BEND6: variants seen among roughly 807,000 people sequenced by gnomAD.
The protein encoded by BEND6 is BEN domain containing 6.
Under a neutral mutation model 31.8 loss-of-function variants are expected in BEND6, and 24 were observed. The ratio of observed to expected loss-of-function variants is 0.75; its 90% CI spans 0.55 to 1.06. The LOEUF is 1.06. Ranked by LOEUF, BEND6 falls within the 50% of genes least tolerant of loss-of-function variation. The probability of loss-of-function intolerance (pLI) is 0.00; values close to 1 mark genes in which losing one functional copy is unlikely to be tolerated. For synonymous variants in BEND6, 109 were observed against 114.6 expected, an observed-to-expected ratio of 0.95 and a Z score of 0.31; for missense variants, 294 against 327.4, an observed-to-expected ratio of 0.90 and a Z score of 0.79.
chr6:56,971,576 T>G (rs1363328501), intron 1 of BEND6, among the ~76,000 whole-genome samples: 2 of 152,236 alleles, frequency 1.3e-5, no homozygotes, highest in Non-Finnish European at 2.9e-5. Context: ...TGCACCATCT[T>G]ACATTACCAC....
At chr6:56,964,314 C>G (rs912821596) in intron 1 of BEND6, among the ~76,000 whole-genome samples, 1 of 152,126 alleles carries the variant, frequency 6.6e-6, no homozygotes, top group African/African-American at 2.4e-5. Flanking sequence ...AAAAGAGTAT[C>G]TCACTAAGCT....
At chr6:57,000,721 G>C (rs927026245) in intron 3 of BEND6, among the ~76,000 whole-genome samples, 1 of 151,674 alleles carries the variant, frequency 6.6e-6, no homozygotes, top group Non-Finnish European at 1.5e-5. Flanking sequence ...GAGCAGGTGT[G>C]TTGTGGCTGG....
At chr6:56,987,326 A>G (rs1826319237) in intron 2 of BEND6, among the ~76,000 whole-genome samples, 1 of 151,914 alleles carries the variant, frequency 6.6e-6, no homozygotes, top group African/African-American at 2.4e-5. Flanking sequence ...CTATTCCCTA[A>G]CTAGGATACA....
chr6:57,004,369 G>A (rs1827069931), intron 3 of BEND6, among the ~76,000 whole-genome samples: 1 of 152,096 alleles, frequency 6.6e-6, no homozygotes, highest in East Asian at 1.9e-4. Flanking sequence ...TTCACCGTGG[G>A]TCCCCAAGGT....
intron 1 of BEND6, among the ~76,000 whole-genome samples, chr6:56,971,092 C>T (rs375882490): frequency 5.9e-5 from 9 of 152,180 alleles, no homozygotes; most frequent in Admixed American, 2.6e-4. Flanking sequence ...TTTCATCTTA[C>T]AAAACTGAAC....
At chr6:56,998,018 A>C (rs1280825536) in intron 3 of BEND6, among the ~76,000 whole-genome samples, 1 of 152,144 alleles carries the variant, frequency 6.6e-6, no homozygotes, top group African/African-American at 2.4e-5. Context: ...AACATACAAA[A>C]GATAATTCAC....
intron 1 of BEND6, among the ~76,000 whole-genome samples, chr6:56,965,271 G>A (rs978651499): frequency 6.6e-5 from 10 of 151,832 alleles, no homozygotes; most frequent in Non-Finnish European, 1.3e-4. Flanking sequence ...CAGGTAAGAC[G>A]GGAACTCCAC....
At chr6:56,991,362 GT>G (rs990367605) in intron 2 of BEND6, among the ~76,000 whole-genome samples, 263 of 144,380 alleles carry the variant, frequency 1.8e-3, no homozygotes, top group East Asian at 4.6e-3. Flanking sequence ...CTTTCTGGAG[GT>G]TTTTTTTTTT....
rs184655306 is a variant in BEND6 at position 57,021,418 on chromosome 6, C to T, written c.*9+2861C>T. On this transcript the variant is annotated intron_variant, in intron 6 of 6. Transcript: ENST00000370746. ...TTCTAGCATGGTCCCTGTGGTAGAC[C>T]GTGCCCTCCACTCAGTCCTGAGCTC... 1.5e-3 allele frequency among the ~76,000 whole-genome samples: 234 copies of T among 152,296 alleles called. 1 individual carries two copies. The highest frequency in any genetic ancestry group is 3.4e-3 in the Middle Eastern group (1 of 294).
At chr6:56,993,899 T>C (rs1464107731) in intron 3 of BEND6, among the ~76,000 whole-genome samples, 4 of 152,142 alleles carry the variant, frequency 2.6e-5, no homozygotes, top group African/African-American at 9.7e-5. Flanking sequence ...GGGGTCACAC[T>C]GTGTTACCCA....
At chr6:56,990,862 G>A (rs1194279423) in intron 2 of BEND6, among the ~76,000 whole-genome samples, 1 of 152,120 alleles carries the variant, frequency 6.6e-6, no homozygotes, top group Non-Finnish European at 1.5e-5. Context: ...TCTCTTCCAA[G>A]CTCCAGCGTT....
At chr6:56,956,583 A>C (rs188026344) in intron 1 of BEND6, among the ~76,000 whole-genome samples, 1 of 152,330 alleles carries the variant, frequency 6.6e-6, no homozygotes, top group East Asian at 1.9e-4. Context: ...GACATGTTGC[A>C]TCTCATTCAT....
At chr6:56,961,636 G>A (rs997526949) in intron 1 of BEND6, among the ~76,000 whole-genome samples, 1 of 152,180 alleles carries the variant, frequency 6.6e-6, no homozygotes, top group Admixed American at 6.5e-5. Context: ...GTCCTAAAAG[G>A]TAGTCTTGGG....
intron 6 of BEND6, among the ~76,000 whole-genome samples, chr6:57,019,061 G>A (rs191201007): frequency 4.9e-4 from 74 of 152,348 alleles, no homozygotes; most frequent in African/African-American, 1.8e-3. Context: ...ATTGGCTGAA[G>A]TGTGCAGCGT....
chr6:56,986,560 CTA>C (rs1439252467), intron 2 of BEND6, among the ~76,000 whole-genome samples: 1 of 152,104 alleles, frequency 6.6e-6, no homozygotes, highest in Non-Finnish European at 1.5e-5. Flanking sequence ...TTTCAAGTCT[CTA>C]TGCTTGATTG....
chr6:56,995,869 C>T (rs1018441139), intron 3 of BEND6, among the ~76,000 whole-genome samples: 2 of 152,128 alleles, frequency 1.3e-5, no homozygotes. Context: ...GCATTGCTAA[C>T]CACAATAGTC....
chr6:56,966,808 T>A (rs1383489511), intron 1 of BEND6, among the ~76,000 whole-genome samples: 1 of 152,186 alleles, frequency 6.6e-6, no homozygotes, highest in Non-Finnish European at 1.5e-5. Flanking sequence ...ACAGAGGGAC[T>A]CTGGTACAGA....
At chr6:56,979,837 A>G (rs116609955) in intron 1 of BEND6, among the ~76,000 whole-genome samples, 239 of 152,354 alleles carry the variant, frequency 1.6e-3, no homozygotes, top group African/African-American at 5.2e-3. Context: ...GTTCTCACAA[A>G]TAGACTTTTG....
At chr6:56,960,269 CATT>C (rs1825242156) in intron 1 of BEND6, among the ~76,000 whole-genome samples, 1 of 150,438 alleles carries the variant, frequency 6.6e-6, no homozygotes, top group Non-Finnish European at 1.5e-5. Context: ...CAATATCGTT[CATT>C]ATTATTCCGA....
Sources: gnomAD v4.1 joint callset for allele counts (sites outside exome capture counted in the v4.1 genomes callset) on GRCh38, gnomAD v4.1.1 for gene constraint, MANE v1.5 for transcripts, NCBI Gene and HGNC (gene_info 2026-07-23, HGNC 2026-07-21) for gene names.